Variants in PCDHA4 observed in about 807,000 individuals in gnomAD.
PCDHA4 encodes protocadherin alpha-4.
In PCDHA4, 49 loss-of-function variants were observed where a neutral mutation model predicts 61.4. The observed-to-expected ratio is 0.80, with a 90% CI of 0.63 to 1.01. The LOEUF (loss-of-function observed/expected upper bound fraction) is 1.01, where lower values mean the gene tolerates loss of function less well. Among genes scored for constraint, PCDHA4 ranks in the 50% least tolerant of loss-of-function variants. The pLI is 0.00. For synonymous variants in PCDHA4, 590 were observed against 550.3 expected, an observed-to-expected ratio of 1.07 and a Z score of -1.01; for missense variants, 1,254 against 1,235.8, an observed-to-expected ratio of 1.01 and a Z score of -0.22.
rs192756440 is a variant in PCDHA4, at chr5:140,876,883, G to C, written c.2385+67311G>C. On this transcript the variant is annotated intron_variant, in intron 1 of 3. Coordinates refer to ENST00000530339, the MANE Select transcript of PCDHA4 (RefSeq NM_018907.4). Reference sequence around the variant, plus strand: ...GTTCGTGAAGGAGAACAACCCGCCGGGCTGCCACATCTTCACGGTGTCGGC... The same window carrying C: ...GTTCGTGAAGGAGAACAACCCGCCGCGCTGCCACATCTTCACGGTGTCGGC... The C allele has an allele frequency of 2.2e-3, 3,631 of 1,614,132 alleles. 14 individuals are homozygous for C. Among genetic ancestry groups the C allele is most frequent in the Middle Eastern group, 9.1e-3 (55 of 6,048 alleles).
intron 1 of PCDHA4, chr5:140,876,546 T>A (rs782795906): frequency 6.2e-7 from 1 of 1,614,218 alleles, no homozygotes; most frequent in Non-Finnish European, 8.5e-7. Context: ...TGTCGCTCCC[T>A]GTGCAAGAGG....
chr5:140,827,680 C>A (rs2150148724), intron 1 of PCDHA4, among the ~76,000 whole-genome samples: 1 of 152,178 alleles, frequency 6.6e-6, no homozygotes, highest in Admixed American at 6.5e-5. Context: ...CTTAAATTTG[C>A]TGAACTGGTT....
At chr5:140,937,198 C>T (rs2091402998) in intron 1 of PCDHA4, among the ~76,000 whole-genome samples, 1 of 151,908 alleles carries the variant, frequency 6.6e-6, no homozygotes, top group Non-Finnish European at 1.5e-5. Context: ...CCACCATGCC[C>T]GGCTAATTTT....
At chr5:140,977,936 A>G (rs1444613652) in intron 1 of PCDHA4, among the ~76,000 whole-genome samples, 2 of 152,202 alleles carry the variant, frequency 1.3e-5, no homozygotes, top group African/African-American at 4.8e-5. Context: ...CTATACCTCA[A>G]TATTCAGTGA....
chr5:140,809,012 T>G lies in PCDHA4; in HGVS notation c.1825T>G (p.Tyr609Asp). Residue 609 changes from tyrosine (Y) to aspartate (D), a missense_variant, in exon 1 of 4, where the codon TAC becomes GAC. Tyr to Asp is a radical substitution (Grantham distance 160). Transcript: ENST00000530339. ...CTCGGGCTACAACGCGTGGCTTTCG[T>G]ACGAGCTGCAGCCGGGGACTGGTGG... is the stretch of plus-strand genomic sequence containing the variant. ...ADSGYNAWLSYELQPGTGGAR... is the reference protein window; with the variant it reads ...ADSGYNAWLSDELQPGTGGAR... The G allele has an allele frequency of 6.2e-7, 1 of 1,613,674 alleles. No individual in the cohort carries two copies. The highest frequency in any genetic ancestry group is 8.5e-7 in the Non-Finnish European group (1 of 1,179,742).
chr5:140,875,234 T>C, intron 1 of PCDHA4: 1 of 867,742 alleles, frequency 1.2e-6, no homozygotes. Context: ...ATCTTTCTTG[T>C]ACTTACATAA....
intron 3 of PCDHA4, among the ~76,000 whole-genome samples, chr5:141,005,783 C>T (rs79683532): frequency 0.097 from 14,322 of 148,270 alleles, 898 homozygotes; most frequent in African/African-American, 0.18. Context: ...TGTAAAGATC[C>T]TGAGGCAAAA....
chr5:140,882,737 G>C lies in PCDHA4; in HGVS notation c.2385+73165G>C, dbSNP rs1375859660. The C allele has an allele frequency of 3.7e-6, 6 of 1,614,090 alleles. No homozygotes were observed. In the East Asian group the frequency reaches 1.1e-4, roughly 30 times the overall value. ...GGAAACTCGATTTCCACTAGATGGC[G>C]CATCCGATGCAGATATTGGAGTAAA... On this transcript the variant is annotated intron_variant, in intron 1 of 3. Transcript: ENST00000530339.
intron 1 of PCDHA4, chr5:140,850,349 G>T (rs1554144220): frequency 1.9e-6 from 3 of 1,597,844 alleles, no homozygotes; most frequent in Non-Finnish European, 2.6e-6. Flanking sequence ...CGGCCAGCGC[G>T]AGCATCCCGT....
intron 1 of PCDHA4, among the ~76,000 whole-genome samples, chr5:140,819,662 A>T (rs1383608520): frequency 6.6e-6 from 1 of 152,134 alleles, no homozygotes; most frequent in East Asian, 1.9e-4. Flanking sequence ...TATTCAAAAT[A>T]AGAGTTGATC....
rs2150262864 is a variant in PCDHA4 at position 140,836,525 on chromosome 5, C to T, written c.2385+26953C>T. 6.2e-6 allele frequency: 10 copies of T among 1,613,836 alleles called. No homozygotes were observed. In the South Asian group the frequency reaches 1.1e-4, roughly 18 times the overall value. On this transcript the variant is annotated intron_variant, in intron 1 of 3. Coordinates refer to ENST00000530339, the MANE Select transcript of PCDHA4 (RefSeq NM_018907.4). ...CGGTGTCCAGTCTGTTGGTGCTTAC[C>T]CTGCTGCTGTACACGGCGTTGCGGT...
At chr5:140,972,170 C>G (rs1001419960) in intron 1 of PCDHA4, among the ~76,000 whole-genome samples, 2 of 152,034 alleles carry the variant, frequency 1.3e-5, no homozygotes, top group African/African-American at 4.8e-5. Flanking sequence ...GAGACAGAGT[C>G]TTGGCCTGTC....
At chr5:140,965,196 AG>A (rs2095879471) in intron 1 of PCDHA4, among the ~76,000 whole-genome samples, 3 of 152,254 alleles carry the variant, frequency 2.0e-5, no homozygotes, top group Non-Finnish European at 4.4e-5. Flanking sequence ...ATGAGGCAAT[AG>A]ATTTCAAATT....
chr5:140,964,964 C>A (rs1035701368), intron 1 of PCDHA4, among the ~76,000 whole-genome samples: 1 of 152,094 alleles, frequency 6.6e-6, no homozygotes, highest in Non-Finnish European at 1.5e-5. Flanking sequence ...GTTGGTGGAA[C>A]GAAGGGATGT....
In PCDHA4 at chr5:140,843,290, C is replaced by A. The variant is rs2150356540; in HGVS notation, c.2385+33718C>A. On this transcript the variant is annotated intron_variant, in intron 1 of 3. Transcript: ENST00000530339. Reference sequence around the variant, plus strand: ...GGTCCTGGTGAAGGATCATGGTGAACCTGCGCTGACCGCCACGGCCACGGT... The same window carrying A: ...GGTCCTGGTGAAGGATCATGGTGAAACTGCGCTGACCGCCACGGCCACGGT... The A allele has an allele frequency of 1.2e-4, 199 of 1,595,966 alleles. 7 individuals carry two copies. The East Asian group carries it at 4.2e-3, about 34-fold the overall frequency.
At chr5:140,896,012 T>C (rs1554186792) in intron 1 of PCDHA4, among the ~76,000 whole-genome samples, 3 of 152,162 alleles carry the variant, frequency 2.0e-5, no homozygotes, top group African/African-American at 7.2e-5. Context: ...GGTTTCTCCA[T>C]GTTGGCCAGG....
At chr5:140,882,989 G>A (rs567590369) in intron 1 of PCDHA4, 3 of 1,614,130 alleles carry the variant, frequency 1.9e-6, no homozygotes, top group African/African-American at 1.3e-5. Context: ...CAACGCCCCG[G>A]AATTTTACCA....
intron 1 of PCDHA4, chr5:140,835,638 T>A: frequency 6.2e-7 from 1 of 1,613,926 alleles, no homozygotes. Flanking sequence ...CGAGAGTGTG[T>A]CCGCCTATGA....
chr5:140,854,310 T>C (rs2043072998), intron 1 of PCDHA4: 2 of 329,758 alleles, frequency 6.1e-6, no homozygotes, highest in Non-Finnish European at 8.7e-6. Context: ...GTGGAGATGA[T>C]TGATCAATGG....
Sources: gnomAD v4.1 joint callset for allele counts (sites outside exome capture counted in the v4.1 genomes callset) on GRCh38, gnomAD v4.1.1 for gene constraint, MANE v1.5 for transcripts, NCBI Gene and HGNC (gene_info 2026-07-23, HGNC 2026-07-21) for gene names.